PPP2R1A: variants seen among roughly 807,000 people sequenced by gnomAD.
PPP2R1A encodes the protein serine/threonine-protein phosphatase 2A 65 kDa regulatory subunit A alpha isoform.
In PPP2R1A, 15 loss-of-function variants were observed where a neutral mutation model predicts 67.1. The ratio of observed to expected loss-of-function variants is 0.22; its 90% confidence interval spans 0.15 to 0.34. The LOEUF (loss-of-function observed/expected upper bound fraction) is 0.34, where lower values mean the gene tolerates loss of function less well. PPP2R1A is among the 10% of genes least tolerant of loss of function. The pLI is 1.00. For synonymous variants in PPP2R1A, 337 were observed against 325.0 expected, an observed-to-expected ratio of 1.04 and a Z score of -0.40; for missense variants, 369 against 775.0, an observed-to-expected ratio of 0.48 and a Z score of 6.22.
rs398035011 is a variant in PPP2R1A at position 52,213,457 on chromosome 19, G to GTTTTTTT, written c.807+371_807+377dup. Among the ~76,000 whole-genome samples the GTTTTTTT allele has an allele frequency of 3.6e-4, 26 of 71,762 alleles. 1 individual carries two copies. Among genetic ancestry groups the GTTTTTTT allele is most frequent in the East Asian group, 2.9e-3 (7 of 2,386 alleles). The allele number at this position is 71,762 out of a possible 152,430, so 47.1% of individuals were successfully genotyped here. A position where few individuals can be genotyped will look rare whatever the true frequency, so the allele number is the denominator to read the frequency against. On this transcript the variant is annotated intron_variant, in intron 6 of 14. Coordinates refer to ENST00000322088, the MANE Select transcript of PPP2R1A (RefSeq NM_014225.6). The surrounding 1 kb of genome is among the most constrained non-coding windows in gnomAD (Gnocchi z 4.2). ...GCCCAAAAAGGTGGGGTTTTTTGGT[G>GTTTTTTT]TTTTTTTTTTTTTTTTTTTTTTTTT... is the stretch of plus-strand genomic sequence containing the variant.
At position 52,222,222 on chromosome 19, in the gene PPP2R1A, G is replaced by A. The variant is rs376352060; in HGVS notation, c.1642G>A (p.Gly548Arg). ...TGTGGCCAAGTCTCTGCAGAAGATA[G>A]GGCCCATCCTGGACAACAGGTGAGG... ...FNVAKSLQKI[G>R]PILDNSTLQS... The change falls in exon 13 of 15, where the codon GGG (glycine) becomes AGG (arginine). Residue 548 changes from glycine to arginine, a missense_variant. Physicochemically the swap from Gly to Arg is moderately radical, Grantham distance 125. Transcript: ENST00000322088. 3 of 1,613,916 alleles carry A rather than the reference G, an allele frequency of 1.9e-6. No homozygotes were observed. The highest frequency in any genetic ancestry group is 1.3e-5 in the African/African-American group (1 of 74,896).
At position 52,228,580 on chromosome 19, in the gene PPP2R1A, C is replaced by G. The variant is rs1979394514; in HGVS notation, c.*2599C>G. 6.6e-6 allele frequency: 1 copy of G among 152,246 alleles called. No individual in the cohort carries two copies. The highest frequency in any genetic ancestry group is 2.4e-5 in the African/African-American group (1 of 41,446). The allele number at this position is 152,246 out of a possible 1,614,324, so 9.4% of individuals were successfully genotyped here. ...TTGTTTGCTCCATACACCTGGCCTT[C>G]TCTGTAGCAGCTGAAGTTTGATGCT... On this transcript the variant is annotated 3_prime_UTR_variant, in exon 15 of 15. Transcript: ENST00000322088.
At chr19:52,195,328 C>G (rs2089488261) in intron 1 of PPP2R1A, among the ~76,000 whole-genome samples, 1 of 152,120 alleles carries the variant, frequency 6.6e-6, no homozygotes. Context: ...TGGAAAATCC[C>G]AATTCCTATT....
At chr19:52,208,026 T>A (rs1225484042) in intron 3 of PPP2R1A, among the ~76,000 whole-genome samples, 1 of 152,158 alleles carries the variant, frequency 6.6e-6, no homozygotes, top group Admixed American at 6.5e-5. Context: ...GTTTCTTCAT[T>A]CCACAAACAT....
At chr19:52,220,321 T>C (rs1600172430) in intron 11 of PPP2R1A, 72 bp downstream of exon 11, 2 of 1,524,402 alleles carry the variant, frequency 1.3e-6, no homozygotes, top group South Asian at 1.1e-5. Context: ...GCTGGGGCTG[T>C]GGCGGGCAGT....
Position 52,219,883 on chromosome 19 carries a change from G to A in PPP2R1A, c.1302+19G>A, listed in dbSNP as rs1978810404. ...ACAGCTGGTGAGTGAGGAGGCCTGG[G>A]GGCCAGGCAGTGCTGCCTCAGGGGA... On this transcript the variant is annotated intron_variant, in intron 10 of 14. Coordinates refer to ENST00000322088, the MANE Select transcript of PPP2R1A (RefSeq NM_014225.6). This position sits in a 1 kb window ranked among gnomAD's most constrained non-coding sequence, Gnocchi z 4.0. 1.2e-6 allele frequency: 2 copies of A among 1,601,842 alleles called. No homozygotes were observed.
Position 52,219,882 on chromosome 19 carries a change from G to A in PPP2R1A, c.1302+18G>A. 1 of 1,602,918 alleles carries A rather than the reference G, an allele frequency of 6.2e-7. No homozygotes were observed. Among genetic ancestry groups the A allele is most frequent in the Non-Finnish European group, 8.5e-7 (1 of 1,175,406 alleles). ...GACAGCTGGTGAGTGAGGAGGCCTG[G>A]GGGCCAGGCAGTGCTGCCTCAGGGG... On this transcript the variant is annotated intron_variant, in intron 10 of 14. Transcript: ENST00000322088. This position sits in a 1 kb window ranked among gnomAD's most constrained non-coding sequence, Gnocchi z 4.0.
In PPP2R1A at chr19:52,212,474, C is replaced by A. The variant is rs2089679066; in HGVS notation, c.504-212C>A. ...TATGCGCAATCTGCGAAGTGTCTCA[C>A]ACACACTATTTTCATTTAAACCTCA... On this transcript the variant is annotated intron_variant, in intron 4 of 14. Coordinates refer to ENST00000322088, the MANE Select transcript of PPP2R1A (RefSeq NM_014225.6). The surrounding 1 kb of genome is among the most constrained non-coding windows in gnomAD (Gnocchi z 4.1). 1.7e-6 allele frequency: 1 copy of A among 591,352 alleles called. No individual in the cohort carries two copies. The highest frequency in any genetic ancestry group is 3.2e-5 in the Admixed American group (1 of 31,100). The allele number at this position is 591,352 out of a possible 1,614,324, so 36.6% of individuals were successfully genotyped here. A position where few individuals can be genotyped will look rare whatever the true frequency, so the allele number is the denominator to read the frequency against.
intron 1 of PPP2R1A, among the ~76,000 whole-genome samples, chr19:52,195,032 G>C (rs1308244273): frequency 6.6e-6 from 1 of 152,204 alleles, no homozygotes; most frequent in African/African-American, 2.4e-5. Context: ...ATTGTGTTGG[G>C]CCTTGTAGGC....
chr19:52,209,322 A>G (rs2089640257), intron 3 of PPP2R1A, among the ~76,000 whole-genome samples: 1 of 152,156 alleles, frequency 6.6e-6, no homozygotes, highest in Admixed American at 6.5e-5. Flanking sequence ...CTGTCCCTGC[A>G]GTATCCCAGT....
intron 3 of PPP2R1A, among the ~76,000 whole-genome samples, chr19:52,208,043 AG>A (rs1162765628): frequency 6.6e-6 from 1 of 152,206 alleles, no homozygotes; most frequent in Non-Finnish European, 1.5e-5. Context: ...ACATTGAGCA[AG>A]GTCTCTAGGC....
In PPP2R1A at chr19:52,229,019, G is replaced by A. The variant is rs1168471880; in HGVS notation, c.*3038G>A. ...ACCATGGCTCCCCCGGGCAGATGAA[G>A]ATGACGAGGTGGTGCCTCAGCCCCG... On this transcript the variant is annotated 3_prime_UTR_variant, in exon 15 of 15. Coordinates refer to ENST00000322088, the MANE Select transcript of PPP2R1A (RefSeq NM_014225.6). 1 of 152,252 alleles carries A rather than the reference G, an allele frequency of 6.6e-6. No individual in the cohort carries two copies. Among genetic ancestry groups the A allele is most frequent in the Non-Finnish European group, 1.5e-5 (1 of 68,100 alleles). The allele number at this position is 152,252 out of a possible 1,614,324, so 9.4% of individuals were successfully genotyped here. A position where few individuals can be genotyped will look rare whatever the true frequency, so the allele number is the denominator to read the frequency against.
chr19:52,201,601 T>C (rs2089549824), intron 1 of PPP2R1A: 1 of 240,740 alleles, frequency 4.2e-6, no homozygotes, highest in African/African-American at 2.2e-5. Flanking sequence ...TGCATTGGCA[T>C]GTTACATGAT....
Position 52,225,823 on chromosome 19 carries a change from G to T in PPP2R1A, c.1753+15G>T, listed in dbSNP as rs1264941770. On this transcript the variant is annotated intron_variant, in intron 14 of 14. Transcript: ENST00000322088. ...GGCTCTGACTGGTAAGACCTAGAAA[G>T]CACGGAGCCCTAGCAGGAGGGTGGA... 1 of 1,613,316 alleles carries T rather than the reference G, an allele frequency of 6.2e-7. No individual in the cohort carries two copies. Among genetic ancestry groups the T allele is most frequent in the East Asian group, 2.2e-5 (1 of 44,874 alleles).
At chr19:52,208,746 G>T (rs2089634532) in intron 3 of PPP2R1A, among the ~76,000 whole-genome samples, 1 of 151,992 alleles carries the variant, frequency 6.6e-6, no homozygotes, top group African/African-American at 2.4e-5. Flanking sequence ...ATGATCACCT[G>T]CCTTGGCCTC....
intron 1 of PPP2R1A, among the ~76,000 whole-genome samples, chr19:52,194,577 G>C (rs563666238): frequency 2.2e-4 from 34 of 152,072 alleles, no homozygotes; most frequent in African/African-American, 5.8e-4. Flanking sequence ...TAGCATGCAG[G>C]GGGGAAGTAT....
At chr19:52,225,688 C>G (rs1377324619) in intron 13 of PPP2R1A, 29 bp from the exon 14 acceptor site, 1 of 1,605,714 alleles carries the variant, frequency 6.2e-7, no homozygotes, top group Admixed American at 1.7e-5. Flanking sequence ...GGCTCACCCT[C>G]TCTCTCCCTG....
intron 3 of PPP2R1A, among the ~76,000 whole-genome samples, chr19:52,210,516 G>A (rs1231379028): frequency 5.5e-5 from 8 of 145,632 alleles, no homozygotes; most frequent in African/African-American, 1.8e-4. Flanking sequence ...TTTTTGAGAC[G>A]GAGTCTCGCT....
intron 10 of PPP2R1A, 144 bp from the exon 11 acceptor site, chr19:52,220,045 G>C (rs1016207357): frequency 1.2e-5 from 15 of 1,207,666 alleles, no homozygotes; most frequent in Non-Finnish European, 1.7e-5. Flanking sequence ...CAATAAGAGA[G>C]AGGAGGGAAA....
Sources: gnomAD v4.1 joint callset for allele counts (sites outside exome capture counted in the v4.1 genomes callset) on GRCh38, gnomAD v4.1.1 for gene constraint, Gnocchi (gnomAD v3.1) non-coding constraint, MANE v1.5 for transcripts, NCBI Gene and HGNC (gene_info 2026-07-23, HGNC 2026-07-21) for gene names.